Variants in FILIP1 observed in about 807,000 individuals in gnomAD.
FILIP1 encodes the protein filamin-A-interacting protein 1.
In FILIP1, 61 loss-of-function variants were observed where a neutral mutation model predicts 102.1. That is an observed-to-expected ratio of 0.60 (90% CI 0.49 to 0.74). The LOEUF (loss-of-function observed/expected upper bound fraction) is 0.74, where lower values mean the gene tolerates loss of function less well. Ranked by LOEUF, FILIP1 falls within the 30% of genes least tolerant of loss-of-function variation. The pLI, the probability that FILIP1 is intolerant of heterozygous loss-of-function variation, is 0.00. For synonymous variants in FILIP1, 491 were observed against 526.9 expected (o/e 0.93, Z 0.93); for missense variants, 1,314 against 1,441.2 (o/e 0.91, Z 1.43).
chr6:75,362,819 C>A lies in FILIP1; in HGVS notation c.375G>T (p.Arg125=). 6.2e-7 allele frequency: 1 copy of A among 1,613,808 alleles called. No individual in the cohort carries two copies. The highest frequency in any genetic ancestry group is 2.2e-5 in the East Asian group (1 of 44,862). The change falls in exon 3 of 6, where the codon CGG becomes CGT. Residue 125 remains arginine, a synonymous_variant. Coordinates refer to ENST00000237172, the MANE Select transcript of FILIP1 (RefSeq NM_015687.5). ...YGSAEPEKVL[R]VLHRDAILAQ... The stretch of plus-strand genomic sequence containing the variant: ...CAAGAATGGCATCTCGGTGCAGGAC[C>A]CGCAGCACTTTCTCTGGCTCCGCAG...
At chr6:75,333,400 T>C (rs1774142306) in intron 4 of FILIP1, among the ~76,000 whole-genome samples, 1 of 152,132 alleles carries the variant, frequency 6.6e-6, no homozygotes. Flanking sequence ...TCTTGACTAT[T>C]GTTAATCTAG....
chr6:75,323,967 A>G (rs900902726), intron 4 of FILIP1, among the ~76,000 whole-genome samples: 2 of 152,156 alleles, frequency 1.3e-5, no homozygotes, highest in African/African-American at 2.4e-5. Flanking sequence ...GCCTTTCACC[A>G]TGATTATAAG....
At chr6:75,481,609 A>G (rs1463505469) in intron 1 of FILIP1, among the ~76,000 whole-genome samples, 1 of 152,200 alleles carries the variant, frequency 6.6e-6, no homozygotes, top group Non-Finnish European at 1.5e-5. Flanking sequence ...ACCACATGTT[A>G]GACCTTCAGA....
At chr6:75,470,861 TA>T (rs1483016583) in intron 1 of FILIP1, among the ~76,000 whole-genome samples, 1 of 151,776 alleles carries the variant, frequency 6.6e-6, no homozygotes, top group Non-Finnish European at 1.5e-5. Context: ...GCAAAAGCCA[TA>T]AAAGAAAATA....
intron 2 of FILIP1, among the ~76,000 whole-genome samples, chr6:75,392,542 C>T (rs1274730788): frequency 6.6e-6 from 1 of 152,198 alleles, no homozygotes; most frequent in African/African-American, 2.4e-5. Context: ...ACCTTGGAGT[C>T]AGGCTTAGCA....
At chr6:75,365,303 A>T (rs746198692) in intron 2 of FILIP1, among the ~76,000 whole-genome samples, 1 of 152,132 alleles carries the variant, frequency 6.6e-6, no homozygotes, top group Non-Finnish European at 1.5e-5. Context: ...ACTAAAAGAA[A>T]AGGGCTTAGA....
rs767520996 is a variant in FILIP1, at chr6:75,313,439, A to G, written c.2393T>C (p.Val798Ala). Residue 798 changes from valine to alanine, a missense_variant, in exon 5 of 6, where the codon GTT (valine) becomes GCT (alanine). By Grantham distance (64) the Val-to-Ala change is moderately conservative. This residue lies in a region of FILIP1 where 816 missense variants were observed against 913.1 expected (regional missense o/e 0.89). Coordinates refer to ENST00000237172, the MANE Select transcript of FILIP1 (RefSeq NM_015687.5). The surrounding 1 kb of genome is among the most constrained non-coding windows in gnomAD (Gnocchi z 4.2). ...TTGGACTCCAGTTGACGTCACAGGA[A>G]CATCCACCATTCTTCTTCCATTCAC... ...PSVNGRRMVD[V>A]PVTSTGVQTD... 3.1e-6 allele frequency: 5 copies of G among 1,614,216 alleles called. No individual in the cohort carries two copies. The highest frequency in any genetic ancestry group is 4.2e-6 in the Non-Finnish European group (5 of 1,180,034).
At chr6:75,306,336 C>T (rs1772984938), downstream of FILIP1, among the ~76,000 whole-genome samples, 1 of 152,076 alleles carries the variant, frequency 6.6e-6, no homozygotes, top group African/African-American at 2.4e-5. Flanking sequence ...GGAAGAAACA[C>T]CATAAGCATG....
intron 2 of FILIP1, among the ~76,000 whole-genome samples, chr6:75,401,311 C>T (rs943695347): frequency 5.3e-5 from 8 of 152,150 alleles, no homozygotes; most frequent in Non-Finnish European, 1.0e-4. Context: ...TCATTCTGAT[C>T]GCCTTCCTTT....
chr6:75,480,099 T>C (rs1229647106), intron 1 of FILIP1, among the ~76,000 whole-genome samples: 2 of 151,998 alleles, frequency 1.3e-5, no homozygotes, highest in Non-Finnish European at 2.9e-5. Flanking sequence ...TTTTTGTTAG[T>C]ATTTCACCTT....
intron 2 of FILIP1, among the ~76,000 whole-genome samples, chr6:75,370,079 A>G (rs1775464255): frequency 6.6e-6 from 1 of 152,244 alleles, no homozygotes; most frequent in South Asian, 2.1e-4. Flanking sequence ...GAAGAATGAC[A>G]CAGTTCCCAA....
chr6:75,399,553 A>G (rs1051342774), intron 2 of FILIP1, among the ~76,000 whole-genome samples: 1 of 152,214 alleles, frequency 6.6e-6, no homozygotes, highest in African/African-American at 2.4e-5. Flanking sequence ...AAAACAAAAT[A>G]TGAAAACAAC....
intron 2 of FILIP1, among the ~76,000 whole-genome samples, chr6:75,388,565 G>A (rs1300205649): frequency 6.6e-6 from 1 of 152,094 alleles, no homozygotes; most frequent in African/African-American, 2.4e-5. Flanking sequence ...TTGAGCAGTG[G>A]TTTGTAGGTC....
chr6:75,465,946 C>T (rs1020052008), intron 1 of FILIP1, among the ~76,000 whole-genome samples: 2 of 152,310 alleles, frequency 1.3e-5, no homozygotes. Flanking sequence ...CCTCATTCAC[C>T]TGCTCCAGCC....
chr6:75,434,997 T>G (rs1162941992), intron 1 of FILIP1, among the ~76,000 whole-genome samples: 1 of 152,234 alleles, frequency 6.6e-6, no homozygotes, highest in Admixed American at 6.5e-5. Context: ...TTTATTGATC[T>G]GTGTATGTTG....
intron 1 of FILIP1, among the ~76,000 whole-genome samples, chr6:75,441,806 CCCGGACGGGGCGGCTGG>C (rs1778253937): frequency 6.7e-6 from 1 of 149,944 alleles, no homozygotes; most frequent in Non-Finnish European, 1.5e-5. Context: ...CCCCTCACCT[CCCGGACGGGGCGGCTGG>C]CCGGGCGGGG....
chr6:75,320,013 G>T, intron 4 of FILIP1: 1 of 293,500 alleles, frequency 3.4e-6, no homozygotes, highest in South Asian at 5.3e-5. Flanking sequence ...AGGCAGAGTC[G>T]CCCAGTGCCG....
intron 1 of FILIP1, among the ~76,000 whole-genome samples, chr6:75,487,827 C>G (rs1160211686): frequency 6.6e-6 from 1 of 151,936 alleles, no homozygotes; most frequent in Non-Finnish European, 1.5e-5. Context: ...ATTGCAATTA[C>G]AGTTTTTACA....
chr6:75,402,129 A>C (rs987144467), intron 2 of FILIP1, among the ~76,000 whole-genome samples: 6 of 152,140 alleles, frequency 3.9e-5, no homozygotes, highest in African/African-American at 1.4e-4. Flanking sequence ...CAATAAAACT[A>C]AAGTTCTCCC....
Sources: gnomAD v4.1 joint callset for allele counts (sites outside exome capture counted in the v4.1 genomes callset) on GRCh38, gnomAD v4.1.1 for gene constraint, gnomAD v4.1.1 regional missense constraint, Gnocchi (gnomAD v3.1) non-coding constraint, MANE v1.5 for transcripts, NCBI Gene and HGNC (gene_info 2026-07-23, HGNC 2026-07-21) for gene names.